The following ZFAT variants were observed in gnomAD, a reference collection of about 807,000 sequenced individuals.
ZFAT encodes zinc finger protein ZFAT.
Under a neutral mutation model 117.7 loss-of-function variants are expected in ZFAT, and 64 were observed. The observed-to-expected ratio is 0.54, with a 90% confidence interval of 0.44 to 0.67. The LOEUF is 0.67. Ranked by LOEUF, ZFAT falls within the 30% of genes least tolerant of loss-of-function variation. The pLI, the probability that ZFAT is intolerant of heterozygous loss-of-function variation, is 0.00. For synonymous variants in ZFAT, 679 were observed against 615.0 expected (o/e 1.10, Z -1.54); for missense variants, 1,433 against 1,584.5 (o/e 0.90, Z 1.62).
chr8:134,605,670 G>A (rs1827834246), intron 5 of ZFAT, among the ~76,000 whole-genome samples: 1 of 152,156 alleles, frequency 6.6e-6, no homozygotes. Flanking sequence ...TCAGATGATG[G>A]TGCTCATGGC....
intron 2 of ZFAT, among the ~76,000 whole-genome samples, chr8:134,640,570 C>T (rs1223090903): frequency 6.6e-6 from 1 of 152,184 alleles, no homozygotes; most frequent in African/African-American, 2.4e-5. Context: ...ATCCCCCTCG[C>T]ACCTAACCTG....
chr8:134,620,162 C>T (rs1829016784), intron 3 of ZFAT, among the ~76,000 whole-genome samples: 1 of 152,332 alleles, frequency 6.6e-6, no homozygotes, highest in South Asian at 2.1e-4. Context: ...GAAAGGCTTA[C>T]AGGAAGCTCA....
intron 3 of ZFAT, among the ~76,000 whole-genome samples, chr8:134,629,878 G>T (rs146717576): frequency 6.6e-6 from 1 of 152,316 alleles, no homozygotes; most frequent in African/African-American, 2.4e-5. Context: ...GAGAAGAAAT[G>T]ACAGATGCTC....
chr8:134,695,006 AG>A (rs1309972829), intron 1 of ZFAT, among the ~76,000 whole-genome samples: 3 of 152,228 alleles, frequency 2.0e-5, no homozygotes, highest in African/African-American at 7.2e-5. Flanking sequence ...CACCTGGGAA[AG>A]GGAGGATTCT....
intron 5 of ZFAT, among the ~76,000 whole-genome samples, chr8:134,606,334 C>T (rs139012272): frequency 6.6e-6 from 1 of 152,192 alleles, no homozygotes; most frequent in South Asian, 2.1e-4. Context: ...ACACTATATC[C>T]TCATGAAGTT....
At chr8:134,665,443 TC>T (rs1832162705) in intron 1 of ZFAT, among the ~76,000 whole-genome samples, 1 of 152,172 alleles carries the variant, frequency 6.6e-6, no homozygotes, top group Non-Finnish European at 1.5e-5. Context: ...AGGCAGAGTG[TC>T]CTCCTCCTGC....
intron 15 of ZFAT, among the ~76,000 whole-genome samples, chr8:134,500,261 A>G (rs1347241883): frequency 6.6e-6 from 1 of 152,242 alleles, no homozygotes; most frequent in South Asian, 2.1e-4. Flanking sequence ...AGCAAACAGT[A>G]ATAAACTCAG....
intron 12 of ZFAT, 130 bp downstream of exon 12, chr8:134,532,703 GA>G: frequency 8.1e-7 from 1 of 1,230,962 alleles, no homozygotes; most frequent in Non-Finnish European, 1.1e-6. Context: ...CAATTAGGAC[GA>G]TGAAGAATGA....
chr8:134,738,271 G>A, the ZFAT span, among the ~76,000 whole-genome samples: 2 of 152,080 alleles, frequency 1.3e-5, no homozygotes, highest in African/African-American at 4.8e-5. Flanking sequence ...CAAGCTTGGG[G>A]GTTGAAATCA....
intron 3 of ZFAT, among the ~76,000 whole-genome samples, chr8:134,621,298 T>C (rs1439360599): frequency 2.0e-5 from 3 of 151,934 alleles, no homozygotes; most frequent in Non-Finnish European, 4.4e-5. Context: ...GCCTGTCTAG[T>C]ATTTTCCCTT....
the ZFAT span, among the ~76,000 whole-genome samples, chr8:134,790,985 G>A: frequency 9.8e-4 from 149 of 152,284 alleles, no homozygotes; most frequent in Non-Finnish European, 1.7e-3. Flanking sequence ...ATGCGATAGA[G>A]CAAGACTCCA....
At chr8:134,661,078 G>A (rs1831901790) in intron 1 of ZFAT, among the ~76,000 whole-genome samples, 1 of 152,260 alleles carries the variant, frequency 6.6e-6, no homozygotes, top group Non-Finnish European at 1.5e-5. Context: ...CGTGACGTGG[G>A]CCATGAGAGT....
At chr8:134,681,863 C>T (rs964119201) in intron 1 of ZFAT, among the ~76,000 whole-genome samples, 2 of 152,198 alleles carry the variant, frequency 1.3e-5, no homozygotes, top group African/African-American at 4.8e-5. Context: ...AGCCAGATTG[C>T]TGTCACATCC....
intron 1 of ZFAT, among the ~76,000 whole-genome samples, chr8:134,661,720 T>C (rs576716273): frequency 4.9e-4 from 75 of 152,220 alleles, no homozygotes; most frequent in Non-Finnish European, 9.1e-4. Context: ...CAAGCAGGCA[T>C]GACACCATCA....
At chr8:134,831,251 A>G in the ZFAT span, among the ~76,000 whole-genome samples, 1 of 152,218 alleles carries the variant, frequency 6.6e-6, no homozygotes, top group Non-Finnish European at 1.5e-5. Flanking sequence ...ATTATTTGTA[A>G]AGTCCACTGG....
chr8:134,740,657 G>A, the ZFAT span, among the ~76,000 whole-genome samples: 7 of 152,042 alleles, frequency 4.6e-5, no homozygotes, highest in African/African-American at 1.7e-4. Context: ...CACAAGGGCC[G>A]CTCACATGGA....
chr8:134,613,514 C>A (rs1828496021), intron 3 of ZFAT, among the ~76,000 whole-genome samples: 1 of 152,198 alleles, frequency 6.6e-6, no homozygotes, highest in South Asian at 2.1e-4. Context: ...ACAAGAATCT[C>A]ATCTCTCCCC....
chr8:134,758,455 A>G, the ZFAT span, among the ~76,000 whole-genome samples: 27 of 152,366 alleles, frequency 1.8e-4, no homozygotes, highest in Middle Eastern at 3.4e-3. Flanking sequence ...AAGAGTCAGC[A>G]CTAAGCATCT....
chr8:134,678,443 G>C (rs1169909883), intron 1 of ZFAT, among the ~76,000 whole-genome samples: 1 of 152,072 alleles, frequency 6.6e-6, no homozygotes, highest in Non-Finnish European at 1.5e-5. Flanking sequence ...AAATAAGAGA[G>C]GACACAAACA....
Sources: allele counts gnomAD v4.1 joint callset (sites outside exome capture counted in the v4.1 genomes callset), GRCh38; gene constraint gnomAD v4.1.1; transcripts MANE v1.5; gene names NCBI Gene and HGNC (gene_info 2026-07-23, HGNC 2026-07-21).